Variants in ATAD2 observed in about 807,000 individuals in gnomAD.
ATAD2 encodes the protein ATPase family AAA domain-containing protein 2.
Under a neutral mutation model 168.9 loss-of-function variants are expected in ATAD2, and 62 were observed. The ratio of observed to expected loss-of-function variants is 0.37; its 90% confidence interval spans 0.30 to 0.45. ATAD2 has a LOEUF of 0.45. ATAD2 is among the 20% of genes least tolerant of loss of function. The probability of loss-of-function intolerance (pLI) is 1.00; values close to 1 mark genes in which losing one functional copy is unlikely to be tolerated. For missense variants in ATAD2, 1,419 were observed against 1,667.8 expected, an observed-to-expected ratio of 0.85 and a Z score of 2.60; for synonymous variants, 613 against 571.6, an observed-to-expected ratio of 1.07 and a Z score of -1.03.
At chr8:123,377,091 CAA>C (rs58655606) in intron 2 of ATAD2, among the ~76,000 whole-genome samples, 21 of 27,256 alleles carry the variant, frequency 7.7e-4, no homozygotes, top group South Asian at 6.7e-3. Flanking sequence ...GACTCCGTCT[CAA>C]AAAAAAAAAA....
intron 2 of ATAD2, among the ~76,000 whole-genome samples, chr8:123,378,357 CA>C (rs1829385184): frequency 6.6e-6 from 1 of 151,966 alleles, no homozygotes; most frequent in South Asian, 2.1e-4. Flanking sequence ...ATTAAAAACT[CA>C]AAAGGGCATA....
intron 26 of ATAD2, among the ~76,000 whole-genome samples, chr8:123,324,053 C>T (rs528161522): frequency 6.6e-6 from 1 of 152,290 alleles, no homozygotes; most frequent in African/African-American, 2.4e-5. Context: ...GTTCCTGTTT[C>T]AGCACTAGGA....
chr8:123,337,931 C>A, intron 20 of ATAD2, 110 bp from the exon 21 acceptor site: 1 of 1,009,450 alleles, frequency 9.9e-7, no homozygotes, highest in Non-Finnish European at 1.4e-6. Context: ...CTCATATATG[C>A]AAGGAATCCA....
At chr8:123,412,676 C>CCCG (rs1395374021) in intron 1 of ATAD2, among the ~76,000 whole-genome samples, 1 of 152,084 alleles carries the variant, frequency 6.6e-6, no homozygotes, top group African/African-American at 2.4e-5. Context: ...AAGCGATCCT[C>CCCG]CCGCCTTGGT....
At chr8:123,384,376 T>A (rs1309411389) in intron 1 of ATAD2, among the ~76,000 whole-genome samples, 3 of 152,184 alleles carry the variant, frequency 2.0e-5, no homozygotes, top group African/African-American at 7.2e-5. Context: ...GTCTTGATTT[T>A]TTGTTTGTTT....
At chr8:123,378,185 T>C (rs917372157) in intron 2 of ATAD2, among the ~76,000 whole-genome samples, 1 of 152,198 alleles carries the variant, frequency 6.6e-6, no homozygotes, top group Non-Finnish European at 1.5e-5. Flanking sequence ...ACCTCACAGT[T>C]TACTGTCAGT....
At chr8:123,323,761 A>G (rs1427368404) in intron 26 of ATAD2, among the ~76,000 whole-genome samples, 12 of 152,196 alleles carry the variant, frequency 7.9e-5, no homozygotes. Flanking sequence ...ACCTCCAACT[A>G]CATCCTTTAT....
chr8:123,379,366 T>A (rs1301539988), intron 2 of ATAD2, among the ~76,000 whole-genome samples: 3 of 152,036 alleles, frequency 2.0e-5, no homozygotes, highest in Non-Finnish European at 2.9e-5. Flanking sequence ...GAAACAGAAC[T>A]ACGATTATGA....
chr8:123,335,925 G>C (rs953320545), intron 22 of ATAD2, among the ~76,000 whole-genome samples: 8 of 152,120 alleles, frequency 5.3e-5, no homozygotes, highest in Admixed American at 6.5e-5. Flanking sequence ...TGGGGGACTA[G>C]ATTTTTAAAA....
intron 18 of ATAD2, among the ~76,000 whole-genome samples, 169 bp from the exon 19 acceptor site, chr8:123,345,238 G>A (rs1828199135): frequency 1.3e-5 from 2 of 152,072 alleles, no homozygotes; most frequent in African/African-American, 4.8e-5. Flanking sequence ...TGGATTAAAA[G>A]TTTCATTTTT....
intron 1 of ATAD2, among the ~76,000 whole-genome samples, chr8:123,381,779 G>A (rs969337854): frequency 6.6e-6 from 1 of 152,148 alleles, no homozygotes; most frequent in African/African-American, 2.4e-5. Flanking sequence ...TGTTGCTCAT[G>A]CCTGTAATCC....
At chr8:123,415,180 C>A (rs1000683644) in intron 1 of ATAD2, among the ~76,000 whole-genome samples, 1 of 152,114 alleles carries the variant, frequency 6.6e-6, no homozygotes, top group Non-Finnish European at 1.5e-5. Context: ...TCGCTGGATA[C>A]AAAATTATTG....
intron 1 of ATAD2, among the ~76,000 whole-genome samples, chr8:123,385,299 C>T (rs990685718): frequency 1.3e-5 from 2 of 151,648 alleles, no homozygotes; most frequent in South Asian, 4.2e-4. Context: ...ACTGAAAATG[C>T]AAATTAAAAG....
At chr8:123,367,136 C>T (rs544897335) in intron 8 of ATAD2, among the ~76,000 whole-genome samples, 2 of 152,264 alleles carry the variant, frequency 1.3e-5, no homozygotes, top group African/African-American at 4.8e-5. Context: ...ATAACTCGGC[C>T]GGGTGCAGTG....
At chr8:123,349,985 C>T (rs1828398705) in intron 13 of ATAD2, among the ~76,000 whole-genome samples, 1 of 151,490 alleles carries the variant, frequency 6.6e-6, no homozygotes, top group Admixed American at 6.6e-5. Flanking sequence ...CACTGCATTC[C>T]AGCCTGGGTG....
intron 1 of ATAD2, among the ~76,000 whole-genome samples, chr8:123,408,585 C>T (rs999705043): frequency 2.6e-5 from 4 of 152,162 alleles, no homozygotes; most frequent in African/African-American, 4.8e-5. Context: ...GGCACGTTCT[C>T]GGCTCACTGA....
chr8:123,377,075 G>C (rs1334827985), intron 2 of ATAD2, among the ~76,000 whole-genome samples: 1 of 72,070 alleles, frequency 1.4e-5, no homozygotes, highest in East Asian at 6.8e-4. Flanking sequence ...TGGGCAAAAA[G>C]AGTGAGACTC....
At chr8:123,386,907 T>C (rs930393629) in intron 1 of ATAD2, among the ~76,000 whole-genome samples, 3 of 147,804 alleles carry the variant, frequency 2.0e-5, no homozygotes, top group African/African-American at 5.0e-5. Flanking sequence ...GACTCAACAA[T>C]GTGGGCAAAA....
In ATAD2 at chr8:123,402,686, C is replaced by A. The variant is rs924545915; in HGVS notation, c.-2281-1511G>T. 5.3e-5 allele frequency among the ~76,000 whole-genome samples: 8 copies of A among 152,154 alleles called. No individual in the cohort carries two copies. Among genetic ancestry groups the A allele is most frequent in the Non-Finnish European group, 1.0e-4 (7 of 68,034 alleles). On this transcript the variant is annotated intron_variant, in intron 1 of 28. Coordinates refer to the ATAD2 transcript ENST00000521903. This position sits in a 1 kb window ranked among gnomAD's most constrained non-coding sequence, Gnocchi z 4.8. ...CCTGCCCCTCATTCCTGACTCACCA[C>A]CGTCCCCAGGTGTACCATTCCTGCC...
Sources: gnomAD v4.1 joint callset for allele counts (sites outside exome capture counted in the v4.1 genomes callset) on GRCh38, gnomAD v4.1.1 for gene constraint, Gnocchi (gnomAD v3.1) non-coding constraint, MANE v1.5 for transcripts, NCBI Gene and HGNC (gene_info 2026-07-23, HGNC 2026-07-21) for gene names.